Variants in BMPR1B observed in about 807,000 individuals in gnomAD.
BMPR1B encodes bone morphogenetic protein receptor type 1B.
A neutral mutation model predicts 59.1 loss-of-function variants in BMPR1B; 12 were observed. The observed-to-expected ratio is 0.20, with a 90% CI of 0.13 to 0.33. The LOEUF is 0.33. Among genes scored for constraint, BMPR1B ranks in the 10% least tolerant of loss-of-function variants. The probability of loss-of-function intolerance (pLI) is 1.00; values close to 1 mark genes in which losing one functional copy is unlikely to be tolerated. For missense variants in BMPR1B, 550 were observed against 610.9 expected (o/e 0.90, Z 1.05); for synonymous variants, 237 against 207.3 (o/e 1.14, Z -1.23).
chr4:95,072,100 T>G (rs1728351332), intron 3 of BMPR1B, among the ~76,000 whole-genome samples: 1 of 152,082 alleles, frequency 6.6e-6, no homozygotes, highest in Non-Finnish European at 1.5e-5. Flanking sequence ...AGGGGAGGTT[T>G]CAGTTCAAGT....
intron 8 of BMPR1B, among the ~76,000 whole-genome samples, chr4:95,129,024 A>T (rs547349231): frequency 4.1e-4 from 58 of 143,082 alleles, no homozygotes; most frequent in African/African-American, 1.1e-3. Flanking sequence ...TTTCCCTGTG[A>T]GCCCAGGAGT....
intron 10 of BMPR1B, among the ~76,000 whole-genome samples, chr4:95,141,600 G>C (rs1040011457): frequency 1.3e-5 from 2 of 152,180 alleles, no homozygotes; most frequent in Non-Finnish European, 1.5e-5. Context: ...TAATCCAGGT[G>C]ATGTGCTGGC....
In BMPR1B at chr4:95,112,862, G is replaced by A. The variant is rs1423268731; in HGVS notation, c.144-1858G>A. On this transcript the variant is annotated intron_variant, in intron 4 of 12. Coordinates refer to ENST00000515059, the MANE Select transcript of BMPR1B (RefSeq NM_001203.3). Reference sequence around the variant, plus strand: ...TTTTATTCTTAACAGTTGCCTAGAAGTGCATTTCTATTTACTCCTATTTTG... The same window carrying A: ...TTTTATTCTTAACAGTTGCCTAGAAATGCATTTCTATTTACTCCTATTTTG... Among the ~76,000 whole-genome samples, 5 of 152,052 alleles carry A rather than the reference G, an allele frequency of 3.3e-5. No homozygotes were observed. In the South Asian group the frequency reaches 6.2e-4, roughly 19 times the overall value.
intron 2 of BMPR1B, among the ~76,000 whole-genome samples, chr4:94,989,028 C>A (rs549835839): frequency 2.0e-5 from 3 of 152,034 alleles, no homozygotes; most frequent in Admixed American, 6.6e-5. Context: ...TACCCATTTT[C>A]CCCTGAAGAA....
intron 1 of BMPR1B, among the ~76,000 whole-genome samples, chr4:94,792,610 T>C (rs1434935992): frequency 6.6e-6 from 1 of 152,198 alleles, no homozygotes; most frequent in African/African-American, 2.4e-5. Context: ...GAGTAAAATA[T>C]CTAAAACTAA....
intron 1 of BMPR1B, among the ~76,000 whole-genome samples, chr4:94,852,111 A>G: frequency 6.6e-6 from 1 of 152,134 alleles, no homozygotes; most frequent in East Asian, 1.9e-4. Context: ...TGCAGTTATT[A>G]TTTCTTACAA....
intron 1 of BMPR1B, among the ~76,000 whole-genome samples, chr4:94,819,197 T>C (rs537361705): frequency 6.9e-4 from 105 of 152,234 alleles, no homozygotes; most frequent in African/African-American, 2.4e-3. Context: ...TACAGATTTA[T>C]AGTTAGAACT....
rs1722389952 is a variant in BMPR1B at position 94,776,878 on chromosome 4, A to G, written c.-183+18810A>G. On this transcript the variant is annotated intron_variant, in intron 1 of 12. Coordinates refer to ENST00000515059, the MANE Select transcript of BMPR1B (RefSeq NM_001203.3). ...CACCACTTAGAGCCTGTTATTTGTT[A>G]CCATTTTGATATATTTCCTTTATCC... 1.3e-5 allele frequency among the ~76,000 whole-genome samples: 2 copies of G among 152,166 alleles called. 1 individual carries two copies. The highest frequency in any genetic ancestry group is 4.1e-4 in the South Asian group (2 of 4,822).
At chr4:95,054,721 G>A (rs575778905) in intron 3 of BMPR1B, among the ~76,000 whole-genome samples, 2 of 152,160 alleles carry the variant, frequency 1.3e-5, no homozygotes, top group East Asian at 3.9e-4. Flanking sequence ...ACATCATTTT[G>A]TTCACTACCA....
chr4:95,009,356 CAAATG>C (rs2149121195), intron 3 of BMPR1B, among the ~76,000 whole-genome samples: 1 of 152,098 alleles, frequency 6.6e-6, no homozygotes, highest in South Asian at 2.1e-4. Context: ...GGGAAACAAA[CAAATG>C]AAAGAAATCT....
intron 3 of BMPR1B, among the ~76,000 whole-genome samples, chr4:95,062,001 C>A (rs1727436440): frequency 6.6e-6 from 1 of 152,096 alleles, no homozygotes; most frequent in Admixed American, 6.6e-5. Context: ...CCTGCCGTCA[C>A]GTGAAGATGT....
At chr4:94,841,237 A>C (rs1180698994) in intron 1 of BMPR1B, among the ~76,000 whole-genome samples, 1 of 148,714 alleles carries the variant, frequency 6.7e-6, no homozygotes, top group Non-Finnish European at 1.5e-5. Context: ...CCCTGCCCCC[A>C]GAGGTGGAGC....
chr4:94,960,916 G>A (rs1416616257), intron 2 of BMPR1B, among the ~76,000 whole-genome samples: 1 of 151,426 alleles, frequency 6.6e-6, no homozygotes, highest in East Asian at 1.9e-4. Flanking sequence ...CTTCATTCCT[G>A]CTTGCTGGAA....
Position 95,154,732 on chromosome 4 carries a change from G to C in BMPR1B, c.*59G>C. 1 of 1,604,234 alleles carries C rather than the reference G, an allele frequency of 6.2e-7. No homozygotes were observed. The highest frequency in any genetic ancestry group is 8.5e-7 in the Non-Finnish European group (1 of 1,171,870). ...CCAACAGGTACTCTTCTGTTTGTGG[G>C]CAGAGCAAAAGACATCAAATAAGCA... On this transcript the variant is annotated 3_prime_UTR_variant, in exon 13 of 13. Transcript: ENST00000515059.
intron 1 of BMPR1B, among the ~76,000 whole-genome samples, chr4:94,850,931 G>C (rs570375682): frequency 1.3e-5 from 2 of 152,134 alleles, no homozygotes; most frequent in African/African-American, 4.8e-5. Flanking sequence ...TACTTGTGTG[G>C]CTGTGGCTAG....
chr4:94,786,523 G>C (rs1722768307), intron 1 of BMPR1B, among the ~76,000 whole-genome samples: 1 of 151,902 alleles, frequency 6.6e-6, no homozygotes, highest in Non-Finnish European at 1.5e-5. Context: ...ACCACACTTA[G>C]CTAATTTTTA....
At position 94,820,365 on chromosome 4, in the gene BMPR1B, A is replaced by G. The variant is rs141013768; in HGVS notation, c.-182-55466A>G. Among the ~76,000 whole-genome samples the G allele has an allele frequency of 1.4e-3, 207 of 152,358 alleles. 1 individual carries two copies. The highest frequency in any genetic ancestry group is 4.7e-3 in the African/African-American group (194 of 41,596). Reference sequence around the variant, plus strand: ...CATTTGTTTCTTTGGAGAACCTTACATAACTCAAGATTCCTGAGCAATTTG... The same window carrying G: ...CATTTGTTTCTTTGGAGAACCTTACGTAACTCAAGATTCCTGAGCAATTTG... On this transcript the variant is annotated intron_variant, in intron 1 of 12. Transcript: ENST00000515059.
chr4:95,038,624 A>C (rs1725432387), intron 3 of BMPR1B, among the ~76,000 whole-genome samples: 1 of 152,198 alleles, frequency 6.6e-6, no homozygotes, highest in African/African-American at 2.4e-5. Flanking sequence ...TCAATTTGTC[A>C]ATTTCTGATT....
intron 3 of BMPR1B, among the ~76,000 whole-genome samples, chr4:95,087,583 T>G (rs1465374002): frequency 6.6e-6 from 1 of 151,992 alleles, no homozygotes; most frequent in Non-Finnish European, 1.5e-5. Flanking sequence ...ATAGAAAAAT[T>G]AGCCAGGCTT....
Sources: gnomAD v4.1 joint callset for allele counts (sites outside exome capture counted in the v4.1 genomes callset) on GRCh38, gnomAD v4.1.1 for gene constraint, MANE v1.5 for transcripts, NCBI Gene and HGNC (gene_info 2026-07-23, HGNC 2026-07-21) for gene names.